JAK3: variants seen among roughly 807,000 people sequenced by gnomAD.
JAK3 encodes Janus kinase 3.
In JAK3, 88 loss-of-function variants were observed where a neutral mutation model predicts 120.8. The ratio of observed to expected loss-of-function variants is 0.73; its 90% CI spans 0.61 to 0.87. The LOEUF (loss-of-function observed/expected upper bound fraction) is 0.87. JAK3 is among the 40% of genes least tolerant of loss of function. The pLI is 0.00. For missense variants in JAK3, 1,254 were observed against 1,501.4 expected (o/e 0.84, Z 2.72); for synonymous variants, 592 against 628.6 (o/e 0.94, Z 0.87).
rs755998035 is a variant in JAK3 at position 17,842,536 on chromosome 19, C to T, written c.641G>A (p.Arg214Gln). 1.3e-6 allele frequency: 2 copies of T among 1,590,082 alleles called. No homozygotes were observed. The highest frequency in any genetic ancestry group is 2.7e-5 in the African/African-American group (2 of 74,506). The change falls in exon 6 of 24, where the codon CGG becomes CAG. Residue 214 changes from arginine (R) to glutamine (Q), a missense_variant. This residue lies in a region of JAK3 where 486 missense variants were observed against 503.0 expected (regional missense o/e 0.97). Transcript: ENST00000458235. This position sits in a 1 kb window ranked among gnomAD's most constrained non-coding sequence, Gnocchi z 6.4. ...GLSFVTRRRI[R>Q]RTVRRALRRV... Reference sequence around the variant, plus strand: ...GCGCAGGGCTCTGCGCACCGTCCTCCGAATACGCCTCCGCGTCACGAAGCT... The same window carrying T: ...GCGCAGGGCTCTGCGCACCGTCCTCTGAATACGCCTCCGCGTCACGAAGCT...
rs2094215897 is a variant in JAK3 at position 17,832,358 on chromosome 19, AC to A, written c.2680+160del. Among the ~76,000 whole-genome samples, 1 of 152,234 alleles carries A rather than the reference AC, an allele frequency of 6.6e-6. No individual in the cohort carries two copies. The highest frequency in any genetic ancestry group is 2.4e-5 in the African/African-American group (1 of 41,466). ...GGCTCAGAAAAGTTAAGGTTTCACA[AC>A]TGGTAAGGGGTAGAGTCAGGATTCA... is the stretch of plus-strand genomic sequence containing the variant. On this transcript the variant is annotated intron_variant, in intron 19 of 23. Transcript: ENST00000458235. This position sits in a 1 kb window ranked among gnomAD's most constrained non-coding sequence, Gnocchi z 4.7.
chr19:17,845,318 C>T lies in JAK3; in HGVS notation c.-13-888G>A, dbSNP rs866949567. ...CAGTAGCTGGGATTACAGGTGGGCA[C>T]CACCACGCCCAGCTAATTTTCTTGT... On this transcript the variant is annotated intron_variant, in intron 1 of 23. Transcript: ENST00000458235. 1.4e-4 allele frequency among the ~76,000 whole-genome samples: 22 copies of T among 152,240 alleles called. No individual in the cohort carries two copies. In the South Asian group the frequency reaches 3.1e-3, roughly 21 times the overall value.
chr19:17,830,905 G>A (rs1443479636), intron 21 of JAK3, among the ~76,000 whole-genome samples: 8 of 79,310 alleles, frequency 1.0e-4, no homozygotes, highest in Non-Finnish European at 1.5e-4. Flanking sequence ...TGGGCGGGGG[G>A]AAGGGCGGAA....
intron 23 of JAK3, chr19:17,829,818 G>C: frequency 1.9e-6 from 1 of 524,780 alleles, no homozygotes; most frequent in East Asian, 2.9e-5. Context: ...AGCATCGACT[G>C]TGTGCTCGGC....
At chr19:17,837,025 A>G (rs764454156) in intron 13 of JAK3, 104 bp downstream of exon 13, 1 of 731,008 alleles carries the variant, frequency 1.4e-6, no homozygotes, top group South Asian at 1.5e-5. Context: ...AGGGTGGCCC[A>G]GTGTGTTGCT....
Position 17,832,658 on chromosome 19 carries a change from A to G in JAK3, c.2541T>C (p.Asn847=), listed in dbSNP as rs2094216444. The change falls in exon 19 of 24, where the codon AAT becomes AAC. Residue 847 remains asparagine, a synonymous_variant. Coordinates refer to ENST00000458235, the MANE Select transcript of JAK3 (RefSeq NM_000215.4). This position sits in a 1 kb window ranked among gnomAD's most constrained non-coding sequence, Gnocchi z 4.7. ...GTTTCACGGCCACCAGGGCACCTGT[A>G]TTGTCGCCTAGCGGGTCATAGCGGC... ...ELCRYDPLGD[N]TGALVAVKQL... is the part of the protein sequence containing the mutation. The G allele has an allele frequency of 1.2e-6, 2 of 1,614,062 alleles. No individual in the cohort carries two copies. Among genetic ancestry groups the G allele is most frequent in the Non-Finnish European group, 8.5e-7 (1 of 1,180,034 alleles).
At position 17,832,655 on chromosome 19, in the gene JAK3, T is replaced by C; in HGVS notation, c.2544A>G (p.Thr848=). 2 of 1,614,226 alleles carry C rather than the reference T, an allele frequency of 1.2e-6. No individual in the cohort carries two copies. The highest frequency in any genetic ancestry group is 1.1e-5 in the South Asian group (1 of 91,080). ...LCRYDPLGDN[T]GALVAVKQLQ... ...GCTGTTTCACGGCCACCAGGGCACC[T>C]GTATTGTCGCCTAGCGGGTCATAGC... The change falls in exon 19 of 24, where the codon ACA becomes ACG. Residue 848 remains threonine (T), a synonymous_variant. Coordinates refer to ENST00000458235, the MANE Select transcript of JAK3 (RefSeq NM_000215.4). The surrounding 1 kb of genome is among the most constrained non-coding windows in gnomAD (Gnocchi z 4.7).
chr19:17,831,902 G>T lies in JAK3; in HGVS notation c.2681-104C>A. 1 of 1,465,350 alleles carries T rather than the reference G, an allele frequency of 6.8e-7. No individual in the cohort carries two copies. The allele number at this position is 1,465,350 out of a possible 1,614,324, so 90.8% of individuals were successfully genotyped here. A position where few individuals can be genotyped will look rare whatever the true frequency, so the allele number is the denominator to read the frequency against. Reference sequence around the variant, plus strand: ...TTGTGTCCCTCTCGACCTCAGTTTTGCTGACTGTAATATGGGAACCGCAAC... The same window carrying T: ...TTGTGTCCCTCTCGACCTCAGTTTTTCTGACTGTAATATGGGAACCGCAAC... On this transcript the variant is annotated intron_variant, in intron 19 of 23. Coordinates refer to ENST00000458235, the MANE Select transcript of JAK3 (RefSeq NM_000215.4). The surrounding 1 kb of genome is among the most constrained non-coding windows in gnomAD (Gnocchi z 5.1).
chr19:17,834,480 C>T lies in JAK3; in HGVS notation c.2350+91G>A, dbSNP rs555693169. 4 of 1,465,358 alleles carry T rather than the reference C, an allele frequency of 2.7e-6. No homozygotes were observed. In the South Asian group the frequency reaches 4.7e-5, roughly 17 times the overall value. 90.8% of individuals were successfully genotyped at this position (1,465,358 alleles called of 1,614,324 possible). On this transcript the variant is annotated intron_variant, in intron 17 of 23. Coordinates refer to ENST00000458235, the MANE Select transcript of JAK3 (RefSeq NM_000215.4). ...CCAACCCCTCCAACCTCACCAGACACACAGGGCGTGGCCTGCTGCAAACCA... is the reference window on the plus strand; with the variant it reads ...CCAACCCCTCCAACCTCACCAGACATACAGGGCGTGGCCTGCTGCAAACCA...
intron 1 of JAK3, among the ~76,000 whole-genome samples, chr19:17,847,558 C>T (rs1484610307): frequency 2.0e-5 from 3 of 152,138 alleles, no homozygotes; most frequent in Admixed American, 6.5e-5. Context: ...TTATAATCCT[C>T]AACGTTCTGC....
Position 17,840,221 on chromosome 19 carries a change from T to C in JAK3, c.1254+9A>G, listed in dbSNP as rs1000957625. 25 of 1,602,188 alleles carry C rather than the reference T, an allele frequency of 1.6e-5. No individual in the cohort carries two copies. In the Admixed American group the frequency reaches 2.2e-4, roughly 14 times the overall value. ...AGCCCTCCACTACCCACCCTAGCAG[T>C]AGACCGACCTGGACACAGACAGTGA... On this transcript the variant is annotated intron_variant, in intron 9 of 23. Coordinates refer to ENST00000458235, the MANE Select transcript of JAK3 (RefSeq NM_000215.4).
chr19:17,841,337 G>A lies in JAK3; in HGVS notation c.1142+52C>T. On this transcript the variant is annotated intron_variant, in intron 8 of 23. Transcript: ENST00000458235. The surrounding 1 kb of genome is among the most constrained non-coding windows in gnomAD (Gnocchi z 4.1). ...GTGAGGACACTGAGGCATAGAGAAG[G>A]GGAGGGGCCCTGAGTGGCCACAGAG... 2 of 1,523,448 alleles carry A rather than the reference G, an allele frequency of 1.3e-6. No individual in the cohort carries two copies. The highest frequency in any genetic ancestry group is 1.8e-6 in the Non-Finnish European group (2 of 1,135,280). The allele number at this position is 1,523,448 out of a possible 1,614,324, so 94.4% of individuals were successfully genotyped here.
rs766194683 is a variant in JAK3, at chr19:17,843,913, G to C, written c.185-13C>G. 1 of 1,613,418 alleles carries C rather than the reference G, an allele frequency of 6.2e-7. No individual in the cohort carries two copies. The highest frequency in any genetic ancestry group is 8.5e-7 in the Non-Finnish European group (1 of 1,179,882). On this transcript the variant is annotated splice_polypyrimidine_tract_variant and intron_variant, in intron 2 of 23. Coordinates refer to ENST00000458235, the MANE Select transcript of JAK3 (RefSeq NM_000215.4). The surrounding 1 kb of genome is among the most constrained non-coding windows in gnomAD (Gnocchi z 5.4). ...ACAGGCAGGATGCCTACAGGGGATGGTCCCATCAGCTCCCTCCTGAGTCAC... is the reference window on the plus strand; with the variant it reads ...ACAGGCAGGATGCCTACAGGGGATGCTCCCATCAGCTCCCTCCTGAGTCAC...
At chr19:17,836,989 A>G (rs1416041255) in intron 13 of JAK3, 140 bp downstream of exon 13, 2 of 706,188 alleles carry the variant, frequency 2.8e-6, no homozygotes, top group African/African-American at 3.6e-5. Context: ...GACATAAATA[A>G]AGGGTAATGA....
Position 17,826,611 on chromosome 19 carries a change from T to G in JAK3, c.*132A>C. ...TACAGGCCACGGGAGCCCCCCCAAATGCAATGTCATGGGGGTGTTCCTGAA... is the reference window on the plus strand; with the variant it reads ...TACAGGCCACGGGAGCCCCCCCAAAGGCAATGTCATGGGGGTGTTCCTGAA... On this transcript the variant is annotated 3_prime_UTR_variant, in exon 24 of 24. Transcript: ENST00000458235. The G allele has an allele frequency of 1.0e-6, 1 of 985,880 alleles. No individual in the cohort carries two copies. Among genetic ancestry groups the G allele is most frequent in the Non-Finnish European group, 1.6e-6 (1 of 612,060 alleles). 61.1% of individuals were successfully genotyped at this position (985,880 alleles called of 1,614,324 possible). A position where few individuals can be genotyped will look rare whatever the true frequency, so the allele number is the denominator to read the frequency against.
At chr19:17,830,426 GGC>G (rs2094211690) in intron 22 of JAK3, 75 bp downstream of exon 22, 2 of 1,195,836 alleles carry the variant, frequency 1.7e-6, no homozygotes, top group Admixed American at 3.9e-5. Flanking sequence ...GAGGGACGCA[GGC>G]GCAGACAGGT....
intron 23 of JAK3, among the ~76,000 whole-genome samples, chr19:17,828,991 T>C (rs2094208942): frequency 6.6e-6 from 1 of 151,338 alleles, no homozygotes; most frequent in Admixed American, 6.6e-5. Flanking sequence ...CCCATCTCTT[T>C]AAAAAAATTT....
In JAK3 at chr19:17,840,345, T is replaced by G; in HGVS notation, c.1143-4A>C. The G allele has an allele frequency of 6.3e-7, 1 of 1,597,562 alleles. No individual in the cohort carries two copies. The highest frequency in any genetic ancestry group is 1.1e-5 in the South Asian group (1 of 90,628). ...CTTGTTGATGGCAAAGTCCAGACTG[T>G]GGGGGAAGGTGAGAGGGAATGGGGA... On this transcript the variant is annotated splice_region_variant and splice_polypyrimidine_tract_variant and intron_variant, in intron 8 of 23. Coordinates refer to ENST00000458235, the MANE Select transcript of JAK3 (RefSeq NM_000215.4).
At chr19:17,838,102 G>A (rs1469131427) in intron 11 of JAK3, 39 bp from the exon 12 acceptor site, 3 of 1,613,710 alleles carry the variant, frequency 1.9e-6, no homozygotes, top group Non-Finnish European at 2.5e-6. Context: ...CCAGTGAGGG[G>A]GTTCCTGCAG....
Sources: gnomAD v4.1 joint callset for allele counts (sites outside exome capture counted in the v4.1 genomes callset) on GRCh38, gnomAD v4.1.1 for gene constraint, gnomAD v4.1.1 regional missense constraint, Gnocchi (gnomAD v3.1) non-coding constraint, MANE v1.5 for transcripts, NCBI Gene and HGNC (gene_info 2026-07-23, HGNC 2026-07-21) for gene names.